Variants in SH3PXD2B observed in about 807,000 individuals in gnomAD.
The protein encoded by SH3PXD2B is SH3 and PX domain-containing protein 2B.
A neutral mutation model predicts 73.1 loss-of-function variants in SH3PXD2B; 37 were observed. The observed-to-expected ratio is 0.51, with a 90% CI of 0.39 to 0.67. The LOEUF (loss-of-function observed/expected upper bound fraction) is 0.67, where lower values mean the gene tolerates loss of function less well. Among genes scored for constraint, SH3PXD2B ranks in the 30% least tolerant of loss-of-function variants. SH3PXD2B has a pLI of 0.00. For synonymous variants in SH3PXD2B, 457 were observed against 480.5 expected, an observed-to-expected ratio of 0.95 and a Z score of 0.64; for missense variants, 1,053 against 1,197.8, an observed-to-expected ratio of 0.88 and a Z score of 1.78.
At chr5:172,414,294 C>A (rs536969080) in intron 2 of SH3PXD2B, among the ~76,000 whole-genome samples, 4 of 151,862 alleles carry the variant, frequency 2.6e-5, no homozygotes, top group Non-Finnish European at 5.9e-5. Flanking sequence ...CACGGCAAAA[C>A]CCCATCTCTA....
intron 3 of SH3PXD2B, among the ~76,000 whole-genome samples, chr5:172,397,871 A>G (rs1758340292): frequency 6.6e-6 from 1 of 152,220 alleles, no homozygotes; most frequent in Non-Finnish European, 1.5e-5. Context: ...AAAGCATGAA[A>G]GGATTACTAA....
chr5:172,380,548 G>A (rs1244048961), intron 5 of SH3PXD2B, among the ~76,000 whole-genome samples: 1 of 152,166 alleles, frequency 6.6e-6, no homozygotes, highest in Non-Finnish European at 1.5e-5. Flanking sequence ...TTTCATGATG[G>A]CGACACAAAT....
At chr5:172,415,960 G>C (rs1561930950) in intron 2 of SH3PXD2B, among the ~76,000 whole-genome samples, 1 of 152,202 alleles carries the variant, frequency 6.6e-6, no homozygotes, top group African/African-American at 2.4e-5. Context: ...TCAAGTAAGA[G>C]CATCAGGCAT....
At position 172,350,529 on chromosome 5, in the gene SH3PXD2B, G is replaced by C. The variant is rs756138875; in HGVS notation, c.846C>G (p.Pro282=). Residue 282 remains proline (P), a synonymous_variant, in exon 10 of 13, where the codon CCC becomes CCG. Transcript: ENST00000311601. Reference sequence around the variant, plus strand: ...AGCCAGGGCCTGGCTTCGGGGGCAAGGGCTCCCCACTGTTCTTCTTTAGGT... The same window carrying C: ...AGCCAGGGCCTGGCTTCGGGGGCAACGGCTCCCCACTGTTCTTCTTTAGGT... ...ASYLKKNSGE[P]LPPKPGPGSP... The C allele has an allele frequency of 1.2e-6, 2 of 1,613,884 alleles. No individual in the cohort carries two copies. The highest frequency in any genetic ancestry group is 2.7e-5 in the African/African-American group (2 of 74,932).
Position 172,337,356 on chromosome 5 carries a change from G to A in SH3PXD2B, c.*1013C>T. 1 of 984,872 alleles carries A rather than the reference G, an allele frequency of 1.0e-6. No homozygotes were observed. The highest frequency in any genetic ancestry group is 1.2e-6 in the Non-Finnish European group (1 of 829,378). 61.0% of individuals were successfully genotyped at this position (984,872 alleles called of 1,614,324 possible). On this transcript the variant is annotated 3_prime_UTR_variant, in exon 13 of 13. Transcript: ENST00000311601. ...CAGGCACTGAAGTCAGGCAGGCCTG[G>A]ACTCAAATCCTCTTCCCTCTTCCTC...
chr5:172,454,236 G>C, intron 1 of SH3PXD2B, 42 bp downstream of exon 1: 1 of 1,559,974 alleles, frequency 6.4e-7, no homozygotes. Context: ...GCCCCCGACG[G>C]GGCGCGGGCT....
chr5:172,439,293 C>CAAAAAAAAAAAAAAAAAAAAA (rs1233319484), intron 1 of SH3PXD2B, among the ~76,000 whole-genome samples: 1 of 61,590 alleles, frequency 1.6e-5, no homozygotes, highest in African/African-American at 8.3e-5. Flanking sequence ...AAAAAAAAAC[C>CAAAAAAAAAAAAAAAAAAAAA]CCAAAAAAAA....
At chr5:172,351,513 T>C (rs1757157758) in intron 9 of SH3PXD2B, among the ~76,000 whole-genome samples, 1 of 152,134 alleles carries the variant, frequency 6.6e-6, no homozygotes, top group African/African-American at 2.4e-5. Flanking sequence ...TGACAGCCAG[T>C]TGGGCACATC....
chr5:172,405,230 C>T (rs948829192), intron 3 of SH3PXD2B, among the ~76,000 whole-genome samples: 1 of 152,246 alleles, frequency 6.6e-6, no homozygotes, highest in African/African-American at 2.4e-5. Context: ...GCCTGGTAGC[C>T]ATGTGAGGTA....
At chr5:172,428,086 T>G (rs926813658) in intron 1 of SH3PXD2B, among the ~76,000 whole-genome samples, 1 of 152,146 alleles carries the variant, frequency 6.6e-6, no homozygotes, top group Non-Finnish European at 1.5e-5. Context: ...AAAGAAAAAT[T>G]TTTTAAAGCA....
chr5:172,447,710 T>C (rs1304914674), intron 1 of SH3PXD2B, among the ~76,000 whole-genome samples: 1 of 152,236 alleles, frequency 6.6e-6, no homozygotes, highest in African/African-American at 2.4e-5. Context: ...CAGAATGGCA[T>C]TGATTCAAAG....
At chr5:172,450,999 C>A (rs1158696033) in intron 1 of SH3PXD2B, among the ~76,000 whole-genome samples, 10 of 152,256 alleles carry the variant, frequency 6.6e-5, no homozygotes, top group Admixed American at 1.3e-4. Context: ...CTCACAGGCA[C>A]CTGGAGCTTC....
intron 10 of SH3PXD2B, among the ~76,000 whole-genome samples, chr5:172,347,872 C>T (rs1308848908): frequency 6.6e-6 from 1 of 152,172 alleles, no homozygotes; most frequent in Non-Finnish European, 1.5e-5. Context: ...CAACAATACA[C>T]AAACACACTG....
chr5:172,335,223 A>G lies in SH3PXD2B; in HGVS notation c.*3146T>C. 1 of 1,032,024 alleles carries G rather than the reference A, an allele frequency of 9.7e-7. No homozygotes were observed. Among genetic ancestry groups the G allele is most frequent in the Non-Finnish European group, 1.2e-6 (1 of 861,146 alleles). 63.9% of individuals were successfully genotyped at this position (1,032,024 alleles called of 1,614,324 possible). A position where few individuals can be genotyped will look rare whatever the true frequency, so the allele number is the denominator to read the frequency against. ...TAAAGTAGTTGTCACAATTGTGTTAATAAGCAGGGGTGAGGGGAAGAAAAA... is the reference window on the plus strand; with the variant it reads ...TAAAGTAGTTGTCACAATTGTGTTAGTAAGCAGGGGTGAGGGGAAGAAAAA... On this transcript the variant is annotated 3_prime_UTR_variant, in exon 13 of 13. Transcript: ENST00000311601.
downstream of SH3PXD2B, among the ~76,000 whole-genome samples, chr5:172,331,839 A>T (rs927715006): frequency 6.6e-6 from 1 of 152,196 alleles, no homozygotes; most frequent in African/African-American, 2.4e-5. Context: ...CCAGCTACTC[A>T]GGAGGCTGAG....
At chr5:172,412,286 C>T (rs1758719134) in intron 2 of SH3PXD2B, among the ~76,000 whole-genome samples, 1 of 152,230 alleles carries the variant, frequency 6.6e-6, no homozygotes, top group Non-Finnish European at 1.5e-5. Context: ...AGGTGTTCTA[C>T]ATCTTGCTGT....
Position 172,337,708 on chromosome 5 carries a change from C to A in SH3PXD2B, c.*661G>T. On this transcript the variant is annotated 3_prime_UTR_variant, in exon 13 of 13. Transcript: ENST00000311601. ...CCACCCTTCAGGGCTGACCACGGTCCCAAGATAGAAGGTGGGAGGCAGGGC... is the reference window on the plus strand; with the variant it reads ...CCACCCTTCAGGGCTGACCACGGTCACAAGATAGAAGGTGGGAGGCAGGGC... 2.0e-6 allele frequency: 2 copies of A among 992,164 alleles called. No individual in the cohort carries two copies. Among genetic ancestry groups the A allele is most frequent in the South Asian group, 9.1e-5 (2 of 21,904 alleles). 61.5% of individuals were successfully genotyped at this position (992,164 alleles called of 1,614,324 possible).
At chr5:172,344,173 T>C (rs949940278) in intron 12 of SH3PXD2B, among the ~76,000 whole-genome samples, 2 of 152,150 alleles carry the variant, frequency 1.3e-5, no homozygotes, top group East Asian at 3.8e-4. Flanking sequence ...GTGTTACTGG[T>C]AGCCCTACTG....
chr5:172,360,916 T>G (rs10476020), intron 7 of SH3PXD2B, among the ~76,000 whole-genome samples: 2,239 of 152,310 alleles, frequency 0.015, 50 homozygotes, highest in African/African-American at 0.051. Flanking sequence ...AAAGAAACAC[T>G]GACGTGCACA....
Sources: gnomAD v4.1 joint callset for allele counts (sites outside exome capture counted in the v4.1 genomes callset) on GRCh38, gnomAD v4.1.1 for gene constraint, MANE v1.5 for transcripts, NCBI Gene and HGNC (gene_info 2026-07-23, HGNC 2026-07-21) for gene names.